Variants in SOS2 observed in about 807,000 individuals in gnomAD.
The protein encoded by SOS2 is son of sevenless homolog 2.
In SOS2, 65 loss-of-function variants were observed where a neutral mutation model predicts 148.2. That is an observed-to-expected ratio of 0.44 (90% CI 0.36 to 0.54). The LOEUF is 0.54. Ranked by LOEUF, SOS2 falls within the 20% of genes least tolerant of loss-of-function variation. The pLI is 0.00. For synonymous variants in SOS2, 539 were observed against 537.1 expected, an observed-to-expected ratio of 1.00 and a Z score of -0.05; for missense variants, 1,341 against 1,590.2, an observed-to-expected ratio of 0.84 and a Z score of 2.67.
intron 2 of SOS2, among the ~76,000 whole-genome samples, chr14:50,203,661 A>T (rs1386915677): frequency 2.0e-5 from 3 of 152,118 alleles, no homozygotes; most frequent in African/African-American, 2.4e-5. Flanking sequence ...TGTCCTCAAA[A>T]TTTACACTAA....
At chr14:50,147,422 G>T (rs1884523308) in intron 14 of SOS2, among the ~76,000 whole-genome samples, 1 of 149,416 alleles carries the variant, frequency 6.7e-6, no homozygotes, top group Non-Finnish European at 1.5e-5. Context: ...TGAGGCAGGA[G>T]GATTGCTTGA....
At chr14:50,211,097 A>C (rs141104805) in intron 1 of SOS2, among the ~76,000 whole-genome samples, 79 of 152,162 alleles carry the variant, frequency 5.2e-4, no homozygotes, top group Admixed American at 2.7e-3. Flanking sequence ...GTCCAATATA[A>C]TAGACGCTAG....
intron 19 of SOS2, among the ~76,000 whole-genome samples, chr14:50,132,919 C>T (rs1331906054): frequency 6.6e-6 from 1 of 152,042 alleles, no homozygotes; most frequent in Non-Finnish European, 1.5e-5. Flanking sequence ...GTTTTGATGG[C>T]AGATCATTAG....
rs537930746 is a variant in SOS2 at position 50,190,146 on chromosome 14, C to T, written c.511-1446G>A. Among the ~76,000 whole-genome samples, 13 of 152,150 alleles carry T rather than the reference C, an allele frequency of 8.5e-5. No individual in the cohort carries two copies. The East Asian group carries it at 2.5e-3, about 29-fold the overall frequency. On this transcript the variant is annotated intron_variant, in intron 4 of 22. Coordinates refer to ENST00000216373, the MANE Select transcript of SOS2 (RefSeq NM_006939.4). The stretch of plus-strand genomic sequence containing the variant: ...GGGATTACAGGTGTGAGCCACTGCG[C>T]CTGGCTGTGACCATACATTTTATAA...
chr14:50,215,483 C>G (rs530121257), intron 1 of SOS2: 2 of 1,240,952 alleles, frequency 1.6e-6, no homozygotes, highest in African/African-American at 3.2e-5. Context: ...ATTTGCCTAT[C>G]ATATTTTTTG....
chr14:50,147,036 AT>A (rs1404223420), intron 14 of SOS2, among the ~76,000 whole-genome samples: 1 of 134,268 alleles, frequency 7.4e-6, no homozygotes, highest in African/African-American at 2.6e-5. Flanking sequence ...TCTCAAAAAA[AT>A]AAAACAAAAA....
chr14:50,230,372 A>C (rs1887501940), intron 1 of SOS2, among the ~76,000 whole-genome samples: 1 of 151,704 alleles, frequency 6.6e-6, no homozygotes. Flanking sequence ...GCACCTATTC[A>C]CAGTCTTTAA....
intron 4 of SOS2, among the ~76,000 whole-genome samples, chr14:50,197,183 A>T (rs1268723294): frequency 6.6e-6 from 1 of 152,196 alleles, no homozygotes; most frequent in African/African-American, 2.4e-5. Flanking sequence ...GTAACAGATT[A>T]TGACCCATTG....
intron 8 of SOS2, among the ~76,000 whole-genome samples, chr14:50,172,218 C>CT (rs150329791): frequency 0.017 from 2,513 of 152,174 alleles, 69 homozygotes; most frequent in African/African-American, 0.057. Context: ...TACACATTTA[C>CT]TGCCATTTTG....
chr14:50,165,444 G>A (rs1022985115), intron 8 of SOS2, among the ~76,000 whole-genome samples: 1 of 151,972 alleles, frequency 6.6e-6, no homozygotes, highest in South Asian at 2.1e-4. Context: ...TCAGTAGGAC[G>A]AATACCCAAA....
intron 21 of SOS2, among the ~76,000 whole-genome samples, chr14:50,121,537 G>C (rs1313627637): frequency 1.6e-5 from 2 of 128,078 alleles, no homozygotes; most frequent in Admixed American, 8.6e-5. Context: ...GGGGAGGGGG[G>C]GGAGTCCTGT....
At chr14:50,125,624 C>T (rs2139493271) in intron 21 of SOS2, among the ~76,000 whole-genome samples, 1 of 150,080 alleles carries the variant, frequency 6.7e-6, no homozygotes, top group South Asian at 2.1e-4. Context: ...GAGAGTAATA[C>T]TGACAAGCAG....
rs1041760719 is a variant in SOS2 at position 50,215,181 on chromosome 14, C to G, written c.88-10772G>C. Among the ~76,000 whole-genome samples the G allele has an allele frequency of 2.0e-5, 3 of 152,068 alleles. No homozygotes were observed. The East Asian group carries it at 5.8e-4, about 29-fold the overall frequency. On this transcript the variant is annotated intron_variant, in intron 1 of 22. Coordinates refer to ENST00000216373, the MANE Select transcript of SOS2 (RefSeq NM_006939.4). ...TTTCCATAAAAAGCCAAGGGCCCCACTCAGTGAAAATGATTGAACATGAGA... is the reference window on the plus strand; with the variant it reads ...TTTCCATAAAAAGCCAAGGGCCCCAGTCAGTGAAAATGATTGAACATGAGA...
intron 22 of SOS2, 124 bp from the exon 23 acceptor site, chr14:50,118,977 T>A: frequency 1.8e-6 from 1 of 551,680 alleles, no homozygotes; most frequent in Non-Finnish European, 3.0e-6. Context: ...TAATCTGGGT[T>A]AATTATCAGA....
chr14:50,203,481 T>C (rs936325511), intron 2 of SOS2, among the ~76,000 whole-genome samples: 8 of 152,266 alleles, frequency 5.3e-5, no homozygotes, highest in African/African-American at 1.9e-4. Flanking sequence ...AGGGTGCTTT[T>C]ATACAAAAGA....
chr14:50,156,022 T>C (rs1198273403), intron 12 of SOS2: 2 of 152,166 alleles, frequency 1.3e-5, no homozygotes, highest in Non-Finnish European at 2.9e-5. Context: ...ACTGCATTTG[T>C]TTGTGGCAAT....
At position 50,138,557 on chromosome 14, in the gene SOS2, T is replaced by TC. The variant is rs1251924522; in HGVS notation, c.2958+54_2958+55insG. 44 of 848,468 alleles carry TC rather than the reference T, an allele frequency of 5.2e-5. No individual in the cohort carries two copies. In the East Asian group the frequency reaches 6.2e-4, roughly 12 times the overall value. 52.6% of individuals were successfully genotyped at this position (848,468 alleles called of 1,614,324 possible). On this transcript the variant is annotated intron_variant, in intron 18 of 22. Coordinates refer to ENST00000216373, the MANE Select transcript of SOS2 (RefSeq NM_006939.4). ...TATGTCTTATTCATTCTATTTTTTT[T>TC]TTTTGGTACCCATTAACACGTTCTC...
chr14:50,183,499 T>C (rs1885811173), intron 5 of SOS2, among the ~76,000 whole-genome samples: 1 of 152,050 alleles, frequency 6.6e-6, no homozygotes, highest in Admixed American at 6.6e-5. Flanking sequence ...ATTTTAAAAA[T>C]CTCTTGGATA....
rs1885461973 is a variant in SOS2, at chr14:50,174,449, C to T, written c.1068+5G>A. On this transcript the variant is annotated splice_donor_5th_base_variant and intron_variant, in intron 8 of 22. Transcript: ENST00000216373. ...GTACTTTGAGATTCTGTTATAAAAC[C>T]TTACCTTTAGTAACTCAAAGTAGTG... 1.9e-6 allele frequency: 3 copies of T among 1,540,744 alleles called. No homozygotes were observed. The highest frequency in any genetic ancestry group is 2.7e-6 in the Non-Finnish European group (3 of 1,124,028).
Sources: allele counts gnomAD v4.1 joint callset (sites outside exome capture counted in the v4.1 genomes callset), GRCh38; gene constraint gnomAD v4.1.1; transcripts MANE v1.5; gene names NCBI Gene and HGNC (gene_info 2026-07-23, HGNC 2026-07-21).